SATL1: variants seen among roughly 807,000 people sequenced by gnomAD.
SATL1 encodes spermidine/spermine N(1)-acetyltransferase-like protein 1.
In SATL1, 47 loss-of-function variants were observed where a neutral mutation model predicts 51.8. That is an observed-to-expected ratio of 0.91 (90% CI 0.72 to 1.16). The LOEUF (loss-of-function observed/expected upper bound fraction) is 1.16. SATL1 is among the 50% of genes most tolerant of loss of function. SATL1 has a pLI of 0.00. For missense variants in SATL1, 520 were observed against 526.4 expected (o/e 0.99, Z 0.12); for synonymous variants, 176 against 182.4 (o/e 0.97, Z 0.28).
At chrX:85,110,920 A>G (rs1333407075) in intron 2 of SATL1, among the ~76,000 whole-genome samples, 1 of 112,840 alleles carries the variant, frequency 8.9e-6, no homozygotes, top group South Asian at 3.6e-4. Flanking sequence ...TAACAATCCA[A>G]TGAGGTAGGA....
chrX:85,144,230 T>C (rs1223035539), intron 2 of SATL1, among the ~76,000 whole-genome samples: 1 of 112,106 alleles, frequency 8.9e-6, no homozygotes, highest in Non-Finnish European at 1.9e-5. Context: ...TTTAAAGTAC[T>C]GTACTATGTT....
intron 5 of SATL1, 25 bp from the exon 6 acceptor site, chrX:85,094,254 A>G: frequency 1.1e-6 from 1 of 924,260 alleles, no homozygotes; most frequent in Non-Finnish European, 1.6e-6. Flanking sequence ...GAAAGGGTGT[A>G]GAAAGGTTGG....
At chrX:85,106,736 T>C (rs1925052516) in intron 3 of SATL1, among the ~76,000 whole-genome samples, 1 of 111,839 alleles carries the variant, frequency 8.9e-6, no homozygotes, top group African/African-American at 3.3e-5. Flanking sequence ...ATGAGAAATA[T>C]GTAACCCAGC....
chrX:85,229,149 G>A (rs964390780), intron 1 of SATL1, among the ~76,000 whole-genome samples: 2 of 111,506 alleles, frequency 1.8e-5, no homozygotes, highest in African/African-American at 3.3e-5. Flanking sequence ...AACTGAAACA[G>A]GAAAGACACT....
chrX:85,117,771 A>T lies in SATL1; in HGVS notation c.-312-8491T>A, dbSNP rs187536448. On this transcript the variant is annotated intron_variant, in intron 2 of 7. Transcript: ENST00000644105. ...ATATTTTATTAAAGAATGCATGTTCATTGTAGAAAATATCTATGACAGGTA... is the reference window on the plus strand; with the variant it reads ...ATATTTTATTAAAGAATGCATGTTCTTTGTAGAAAATATCTATGACAGGTA... 5.5e-3 allele frequency among the ~76,000 whole-genome samples: 611 copies of T among 111,797 alleles called. 3 individuals carry two copies. The highest frequency in any genetic ancestry group is 0.019 in the African/African-American group (572 of 30,873).
chrX:85,160,423 A>G (rs896672923), intron 2 of SATL1, among the ~76,000 whole-genome samples: 52 of 110,960 alleles, frequency 4.7e-4, no homozygotes, highest in African/African-American at 1.6e-3. Context: ...CCAATCCAAG[A>G]AAACTAAGGA....
At chrX:85,177,294 T>C (rs1178840955) in intron 2 of SATL1, among the ~76,000 whole-genome samples, 2 of 112,027 alleles carry the variant, frequency 1.8e-5, no homozygotes, top group African/African-American at 6.5e-5. Context: ...TATGGTTACA[T>C]AAGGTATGAG....
At chrX:85,185,286 C>G (rs1021068258) in intron 2 of SATL1, among the ~76,000 whole-genome samples, 1 of 112,781 alleles carries the variant, frequency 8.9e-6, no homozygotes, top group African/African-American at 3.2e-5. Flanking sequence ...AGACCTGAAG[C>G]CAGCACTGTA....
At chrX:85,231,540 T>C (rs766503436) in intron 1 of SATL1, among the ~76,000 whole-genome samples, 1 of 111,880 alleles carries the variant, frequency 8.9e-6, no homozygotes, top group South Asian at 3.7e-4. Context: ...CTGAAGAAGG[T>C]AGGAAAAACA....
chrX:85,138,089 T>C (rs1926007701), intron 2 of SATL1, among the ~76,000 whole-genome samples: 1 of 112,503 alleles, frequency 8.9e-6, no homozygotes, highest in Non-Finnish European at 1.9e-5. Context: ...CTTTAGCATA[T>C]TAATCATGCT....
chrX:85,151,232 T>A (rs1926425815), intron 2 of SATL1, among the ~76,000 whole-genome samples: 1 of 109,891 alleles, frequency 9.1e-6, no homozygotes, highest in Non-Finnish European at 1.9e-5. Flanking sequence ...TCAAAGAGAA[T>A]AAAATACCTA....
chrX:85,171,702 A>G (rs773895667), intron 2 of SATL1, among the ~76,000 whole-genome samples: 65 of 111,546 alleles, frequency 5.8e-4, no homozygotes, highest in Non-Finnish European at 1.1e-3. Flanking sequence ...TGTGGGAACT[A>G]TATATAGCAA....
At chrX:85,192,514 T>C (rs946325263) in intron 2 of SATL1, among the ~76,000 whole-genome samples, 6 of 111,068 alleles carry the variant, frequency 5.4e-5, no homozygotes, top group African/African-American at 1.3e-4. Context: ...TCTGGCTTTA[T>C]GTCCTCACTT....
At chrX:85,117,589 G>A (rs770906966) in intron 2 of SATL1, 1 of 111,238 alleles carries the variant, frequency 9.0e-6, no homozygotes, top group Non-Finnish European at 1.9e-5. Context: ...GAGAAAGGGA[G>A]AGAAAAGGAA....
chrX:85,159,167 C>T (rs17252084), intron 2 of SATL1, among the ~76,000 whole-genome samples: 9,873 of 111,352 alleles, frequency 0.089, 452 homozygotes, highest in Non-Finnish European at 0.13. Context: ...AAGATTAACT[C>T]CACCCTATAA....
intron 2 of SATL1, among the ~76,000 whole-genome samples, chrX:85,157,556 T>C (rs1470996618): frequency 9.0e-6 from 1 of 111,229 alleles, no homozygotes; most frequent in Non-Finnish European, 1.9e-5. Flanking sequence ...TTAGTCTCCC[T>C]AGTTACTTCT....
chrX:85,153,217 T>A (rs1257836125), intron 2 of SATL1, among the ~76,000 whole-genome samples: 1 of 110,812 alleles, frequency 9.0e-6, no homozygotes, highest in East Asian at 2.8e-4. Context: ...TCTTTTCTCA[T>A]CTTTTCATAT....
intron 2 of SATL1, among the ~76,000 whole-genome samples, chrX:85,122,212 T>A (rs1028312833): frequency 9.0e-6 from 1 of 111,313 alleles, no homozygotes; most frequent in South Asian, 3.7e-4. Flanking sequence ...TAGATGTAAC[T>A]TTTTGCAGAC....
At chrX:85,218,663 T>C (rs978779351) in intron 2 of SATL1, among the ~76,000 whole-genome samples, 11 of 112,176 alleles carry the variant, frequency 9.8e-5, no homozygotes, top group Non-Finnish European at 1.7e-4. Context: ...TTTAATTTTG[T>C]GTTAGTACAG....
Sources: gnomAD v4.1 joint callset for allele counts (sites outside exome capture counted in the v4.1 genomes callset) on GRCh38, gnomAD v4.1.1 for gene constraint, MANE v1.5 for transcripts, NCBI Gene and HGNC (gene_info 2026-07-23, HGNC 2026-07-21) for gene names.